Variants in PCDHA5 observed in about 807,000 individuals in gnomAD.
PCDHA5 encodes the protein protocadherin alpha-5.
Under a neutral mutation model 61.6 loss-of-function variants are expected in PCDHA5, and 43 were observed. The ratio of observed to expected loss-of-function variants is 0.70; its 90% CI spans 0.55 to 0.90. The LOEUF (loss-of-function observed/expected upper bound fraction) is 0.90. Among genes scored for constraint, PCDHA5 ranks in the 40% least tolerant of loss-of-function variants. PCDHA5 has a pLI of 0.00. For missense variants in PCDHA5, 1,298 were observed against 1,222.7 expected (o/e 1.06, Z -0.92); for synonymous variants, 627 against 543.9 (o/e 1.15, Z -2.13).
At chr5:140,875,478 G>A (rs2055526738) in intron 1 of PCDHA5, 1 of 1,610,404 alleles carries the variant, frequency 6.2e-7, no homozygotes, top group Admixed American at 1.7e-5. Flanking sequence ...CTGCAATGGT[G>A]ATTATCGGAC....
At chr5:140,857,310 A>T in intron 1 of PCDHA5, 1 of 1,598,608 alleles carries the variant, frequency 6.3e-7, no homozygotes, top group Non-Finnish European at 8.6e-7. Flanking sequence ...TCGGCCTATG[A>T]GCTGGTGGTG....
intron 1 of PCDHA5, among the ~76,000 whole-genome samples, chr5:140,826,325 G>T (rs1455505548): frequency 6.6e-6 from 1 of 151,996 alleles, no homozygotes; most frequent in East Asian, 1.9e-4. Context: ...GATTGTTTTT[G>T]GTTAAGAAAT....
chr5:140,875,517 G>A (rs2055556431), intron 1 of PCDHA5: 7 of 1,614,024 alleles, frequency 4.3e-6, no homozygotes, highest in Non-Finnish European at 5.9e-6. Flanking sequence ...AGCGTCTGCT[G>A]CTCTCGCTTC....
At chr5:140,884,433 G>C in intron 1 of PCDHA5, 1 of 1,613,908 alleles carries the variant, frequency 6.2e-7, no homozygotes, top group Non-Finnish European at 8.5e-7. Context: ...ACTGCGCTGC[G>C]GTGCTCGGCA....
intron 1 of PCDHA5, among the ~76,000 whole-genome samples, chr5:140,898,963 G>A (rs1411271866): frequency 6.6e-6 from 1 of 152,070 alleles, no homozygotes; most frequent in Non-Finnish European, 1.5e-5. Context: ...TTGTGAATGG[G>A]AGTTCACTCA....
chr5:140,852,117 T>C, intron 1 of PCDHA5: 1 of 906,144 alleles, frequency 1.1e-6, no homozygotes, highest in Non-Finnish European at 1.3e-6. Context: ...AGGTATGACC[T>C]AATTAAAAAC....
In PCDHA5 at chr5:141,011,378, C is replaced by T. The variant is rs1419825590; in HGVS notation, c.*1441C>T. 1 of 153,742 alleles carries T rather than the reference C, an allele frequency of 6.5e-6. No individual in the cohort carries two copies. Among genetic ancestry groups the T allele is most frequent in the African/African-American group, 2.4e-5 (1 of 41,460 alleles). The allele number at this position is 153,742 out of a possible 1,614,324, so 9.5% of individuals were successfully genotyped here. Reference sequence around the variant, plus strand: ...ATGTATGCTGTATGCTATGCTAAGACTCCTGAAATATACTTACTCTGTGCT... The same window carrying T: ...ATGTATGCTGTATGCTATGCTAAGATTCCTGAAATATACTTACTCTGTGCT... On this transcript the variant is annotated 3_prime_UTR_variant, in exon 4 of 4. Coordinates refer to ENST00000529859, the MANE Select transcript of PCDHA5 (RefSeq NM_018908.3).
intron 1 of PCDHA5, among the ~76,000 whole-genome samples, chr5:140,941,231 C>CTTTCTTTCTTTCTTTCTT (rs2092927472): frequency 2.2e-5 from 3 of 136,876 alleles, no homozygotes; most frequent in African/African-American, 8.3e-5. Context: ...TTCTTTCTTT[C>CTTTCTTTCTTTCTTTCTT]TTTCTTTCTT....
chr5:140,981,468 G>A (rs1554242887), intron 2 of PCDHA5, among the ~76,000 whole-genome samples: 1 of 152,172 alleles, frequency 6.6e-6, no homozygotes, highest in Non-Finnish European at 1.5e-5. Context: ...CAGCTACTTG[G>A]GAGGCTGAGG....
chr5:140,915,957 T>G (rs1476969057), intron 1 of PCDHA5, among the ~76,000 whole-genome samples: 4 of 151,934 alleles, frequency 2.6e-5, no homozygotes, highest in African/African-American at 4.8e-5. Flanking sequence ...TACTTAGAAA[T>G]TTGCCTGATA....
intron 1 of PCDHA5, among the ~76,000 whole-genome samples, chr5:140,900,446 T>C (rs1344652526): frequency 6.6e-6 from 1 of 152,154 alleles, no homozygotes; most frequent in African/African-American, 2.4e-5. Context: ...GCCGGCTAAT[T>C]TTTTATTTTT....
intron 1 of PCDHA5, among the ~76,000 whole-genome samples, chr5:140,943,702 G>C (rs2153663732): frequency 6.6e-6 from 1 of 152,280 alleles, no homozygotes; most frequent in South Asian, 2.1e-4. Context: ...AAATATTGTG[G>C]AACACATTTA....
Position 140,823,626 on chromosome 5 carries a change from G to T in PCDHA5, c.1851G>T (p.Ala617=). The T allele has an allele frequency of 6.2e-7, 1 of 1,614,032 alleles. No individual in the cohort carries two copies. Among genetic ancestry groups the T allele is most frequent in the Non-Finnish European group, 8.5e-7 (1 of 1,179,948 alleles). ...AGCTGCAGCCAGCGCCTGGCAGTGC[G>T]CGCATCCCGTTCCGCGTGGGGCTGT... ...SYELQPAPGS[A]RIPFRVGLYT... The change falls in exon 1 of 4, where the codon GCG becomes GCT. Residue 617 remains alanine (A), a synonymous_variant. Transcript: ENST00000529859.
In PCDHA5 at chr5:140,947,881, A is replaced by G. The variant is rs191017624; in HGVS notation, c.2353-31068A>G. On this transcript the variant is annotated intron_variant, in intron 1 of 3. Transcript: ENST00000529859. ...TATAATGGCTAGGACTTCCAGGACA[A>G]TATAAACAGAAGTGGTGAGAGCAGA... 2.7e-3 allele frequency among the ~76,000 whole-genome samples: 417 copies of G among 151,684 alleles called. 2 individuals carry two copies. Among genetic ancestry groups the G allele is most frequent in the Middle Eastern group, 0.014 (4 of 294 alleles).
At chr5:140,871,496 T>C in intron 1 of PCDHA5, 1 of 1,587,392 alleles carries the variant, frequency 6.3e-7, no homozygotes, top group Non-Finnish European at 8.6e-7. Flanking sequence ...CCCGGACAGG[T>C]GAGTTTTCTA....
chr5:140,916,732 C>A (rs2077701110), intron 1 of PCDHA5, among the ~76,000 whole-genome samples: 1 of 152,178 alleles, frequency 6.6e-6, no homozygotes, highest in South Asian at 2.1e-4. Flanking sequence ...TTTGTTGCTG[C>A]AAGCTTCACT....
intron 1 of PCDHA5, chr5:140,850,913 T>G: frequency 6.5e-7 from 1 of 1,539,368 alleles, no homozygotes; most frequent in East Asian, 2.3e-5. Flanking sequence ...GCATTTTATT[T>G]ATTTATATAA....
chr5:140,953,002 T>C (rs1019745922), intron 1 of PCDHA5, among the ~76,000 whole-genome samples: 5 of 152,142 alleles, frequency 3.3e-5, no homozygotes, highest in African/African-American at 1.2e-4. Flanking sequence ...ACTCTCTCAC[T>C]ATTATGAGAA....
At chr5:140,824,561 C>G (rs1768165211) in intron 1 of PCDHA5, 1 of 173,514 alleles carries the variant, frequency 5.8e-6, no homozygotes, top group South Asian at 1.7e-4. Flanking sequence ...AAGTGATCCT[C>G]CTATCTCAGC....
Sources: gnomAD v4.1 joint callset for allele counts (sites outside exome capture counted in the v4.1 genomes callset) on GRCh38, gnomAD v4.1.1 for gene constraint, MANE v1.5 for transcripts, NCBI Gene and HGNC (gene_info 2026-07-23, HGNC 2026-07-21) for gene names.